Variants in CARS1 observed in about 807,000 individuals in gnomAD.
CARS1 encodes the protein cysteine--tRNA ligase, cytoplasmic.
Under a neutral mutation model 106.2 loss-of-function variants are expected in CARS1, and 48 were observed. The observed-to-expected ratio is 0.45, with a 90% CI of 0.36 to 0.57. CARS1 has a LOEUF of 0.57. Among genes scored for constraint, CARS1 ranks in the 20% least tolerant of loss-of-function variants. The probability of loss-of-function intolerance (pLI) is 0.00; values close to 1 mark genes in which losing one functional copy is unlikely to be tolerated. For synonymous variants in CARS1, 409 were observed against 403.4 expected, an observed-to-expected ratio of 1.01 and a Z score of -0.17; for missense variants, 968 against 1,057.2, an observed-to-expected ratio of 0.92 and a Z score of 1.17.
chr11:3,010,914 G>A (rs1850385380), intron 18 of CARS1, among the ~76,000 whole-genome samples: 1 of 152,174 alleles, frequency 6.6e-6, no homozygotes. Flanking sequence ...CTCCATAATG[G>A]GCTCTGCACA....
rs1276118112 is a variant in CARS1 at position 3,057,406 on chromosome 11, C to T, written c.-39G>A. ...GGACCCGCAGCTGCGGCTACAGACA[C>T]TTCCTAGAATCTGATGCAACCGCCG... On this transcript the variant is annotated 5_prime_UTR_variant, in exon 1 of 23. It adds an upstream start codon to the 5' untranslated region. Transcript: ENST00000380525. The T allele has an allele frequency of 1.3e-6, 2 of 1,599,458 alleles. No homozygotes were observed. Among genetic ancestry groups the T allele is most frequent in the East Asian group, 2.2e-5 (1 of 44,572 alleles).
Position 3,037,725 on chromosome 11 carries a change from G to C in CARS1, c.801+325C>G, listed in dbSNP as rs1853854459. Among the ~76,000 whole-genome samples, 1 of 152,122 alleles carries C rather than the reference G, an allele frequency of 6.6e-6. No individual in the cohort carries two copies. Among genetic ancestry groups the C allele is most frequent in the African/African-American group, 2.4e-5 (1 of 41,428 alleles). Reference sequence around the variant, plus strand: ...TGGGGAGAGTCCGCTGGAGAATCTTGGAACACTTCGACAGAAGGCTGCCTC... The same window carrying C: ...TGGGGAGAGTCCGCTGGAGAATCTTCGAACACTTCGACAGAAGGCTGCCTC... On this transcript the variant is annotated intron_variant, in intron 7 of 22. Coordinates refer to ENST00000380525, the MANE Select transcript of CARS1 (RefSeq NM_001014437.3). The surrounding 1 kb of genome is among the most constrained non-coding windows in gnomAD (Gnocchi z 5.9).
At position 3,037,254 on chromosome 11, in the gene CARS1, G is replaced by T. The variant is rs115137905; in HGVS notation, c.801+796C>A. ...AGTTTGGAAACAGGCGCAACGAAGC[G>T]ATCTGCTGAGTCAGGACACAGAAGA... is the stretch of plus-strand genomic sequence containing the variant. On this transcript the variant is annotated intron_variant, in intron 7 of 22. Coordinates refer to ENST00000380525, the MANE Select transcript of CARS1 (RefSeq NM_001014437.3). This position sits in a 1 kb window ranked among gnomAD's most constrained non-coding sequence, Gnocchi z 5.9. Among the ~76,000 whole-genome samples the T allele has an allele frequency of 4.9e-3, 751 of 152,340 alleles. 3 individuals carry two copies. The highest frequency in any genetic ancestry group is 0.017 in the African/African-American group (718 of 41,572).
intron 17 of CARS1, among the ~76,000 whole-genome samples, chr11:3,013,471 T>C (rs910215974): frequency 6.6e-6 from 1 of 152,180 alleles, no homozygotes; most frequent in African/African-American, 2.4e-5. Context: ...CTTTTTCTAA[T>C]AGGACAGAAA....
At position 3,003,380 on chromosome 11, in the gene CARS1, G is replaced by A. The variant is rs1849570687; in HGVS notation, c.2218-780C>T. 6.6e-6 allele frequency among the ~76,000 whole-genome samples: 1 copy of A among 152,216 alleles called. No individual in the cohort carries two copies. Among genetic ancestry groups the A allele is most frequent in the African/African-American group, 2.4e-5 (1 of 41,446 alleles). ...GGCACGCCCTCCATGGCAGGAAGGA[G>A]GAACAAGTTTGGGGAGTTGAAAATC... On this transcript the variant is annotated intron_variant, in intron 20 of 22. Coordinates refer to ENST00000380525, the MANE Select transcript of CARS1 (RefSeq NM_001014437.3). The surrounding 1 kb of genome is among the most constrained non-coding windows in gnomAD (Gnocchi z 4.8).
Position 3,017,467 on chromosome 11 carries a change from A to C in CARS1, c.1728-172T>G. On this transcript the variant is annotated intron_variant, in intron 15 of 22. Coordinates refer to ENST00000380525, the MANE Select transcript of CARS1 (RefSeq NM_001014437.3). This position sits in a 1 kb window ranked among gnomAD's most constrained non-coding sequence, Gnocchi z 4.9. ...AGACCAGCCTGACAAACATGGAGAG[A>C]CCCCCACCTCTACTAAAAATCTGAA... 1 of 594,466 alleles carries C rather than the reference A, an allele frequency of 1.7e-6. No individual in the cohort carries two copies. Among genetic ancestry groups the C allele is most frequent in the Non-Finnish European group, 3.0e-6 (1 of 335,736 alleles). 36.8% of individuals were successfully genotyped at this position (594,466 alleles called of 1,614,324 possible).
chr11:3,027,294 T>C (rs539433905), intron 9 of CARS1: 263 of 155,160 alleles, frequency 1.7e-3, no homozygotes, highest in Non-Finnish European at 2.5e-3. Flanking sequence ...GAAGCAGCGC[T>C]ACTGCTTAAG....
At position 3,043,130 on chromosome 11, in the gene CARS1, T is replaced by C. The variant is rs1854694993; in HGVS notation, c.275-874A>G. 6.6e-6 allele frequency among the ~76,000 whole-genome samples: 1 copy of C among 152,036 alleles called. No individual in the cohort carries two copies. Among genetic ancestry groups the C allele is most frequent in the South Asian group, 2.1e-4 (1 of 4,824 alleles). ...CTCCTCCTGGCCAGACTTCCCTAGTTGTTCCCCTCCACTCGCCTGTGGGCC... is the reference window on the plus strand; with the variant it reads ...CTCCTCCTGGCCAGACTTCCCTAGTCGTTCCCCTCCACTCGCCTGTGGGCC... On this transcript the variant is annotated intron_variant, in intron 2 of 22. Transcript: ENST00000380525. The surrounding 1 kb of genome is among the most constrained non-coding windows in gnomAD (Gnocchi z 4.0).
rs1394153395 is a variant in CARS1 at position 3,020,930 on chromosome 11, A to C, written c.1154-598T>G. ...GGTGAAGGAAACTAAAGAATAGTCCAGGAAGGCCATAAGAAAAGGGGAGTA... is the reference window on the plus strand; with the variant it reads ...GGTGAAGGAAACTAAAGAATAGTCCCGGAAGGCCATAAGAAAAGGGGAGTA... On this transcript the variant is annotated intron_variant, in intron 10 of 22. Coordinates refer to ENST00000380525, the MANE Select transcript of CARS1 (RefSeq NM_001014437.3). This position sits in a 1 kb window ranked among gnomAD's most constrained non-coding sequence, Gnocchi z 4.6. Among the ~76,000 whole-genome samples the C allele has an allele frequency of 6.6e-6, 1 of 152,226 alleles. No homozygotes were observed. The highest frequency in any genetic ancestry group is 1.5e-5 in the Non-Finnish European group (1 of 68,052).
chr11:3,036,734 G>C (rs530435342), intron 7 of CARS1, among the ~76,000 whole-genome samples: 2 of 152,284 alleles, frequency 1.3e-5, no homozygotes, highest in East Asian at 1.9e-4. Flanking sequence ...CAGGTTTATA[G>C]CAGCATTACT....
At position 3,008,654 on chromosome 11, in the gene CARS1, C is replaced by T. The variant is rs1199014360; in HGVS notation, c.2069-1695G>A. ...AAAAAAATTGCATATCCTTGGGCTT[C>T]AAGGCCGCGCTCATAAGCACAGCCA... On this transcript the variant is annotated intron_variant, in intron 18 of 22. Coordinates refer to ENST00000380525, the MANE Select transcript of CARS1 (RefSeq NM_001014437.3). This position sits in a 1 kb window ranked among gnomAD's most constrained non-coding sequence, Gnocchi z 5.1. 1 of 151,952 alleles carries T rather than the reference C, an allele frequency of 6.6e-6. No individual in the cohort carries two copies. Among genetic ancestry groups the T allele is most frequent in the African/African-American group, 2.4e-5 (1 of 41,310 alleles). 9.4% of individuals were successfully genotyped at this position (151,952 alleles called of 1,614,324 possible).
At position 3,044,045 on chromosome 11, in the gene CARS1, A is replaced by G. The variant is rs564272220; in HGVS notation, c.275-1789T>C. 6.6e-6 allele frequency among the ~76,000 whole-genome samples: 1 copy of G among 152,244 alleles called. No individual in the cohort carries two copies. Among genetic ancestry groups the G allele is most frequent in the East Asian group, 1.9e-4 (1 of 5,162 alleles). The stretch of plus-strand genomic sequence containing the variant: ...TCACAAGCCCTTGAAGGAGAATCTC[A>G]CTCAATGCCTGGAGGCATTCAACCG... On this transcript the variant is annotated intron_variant, in intron 2 of 22. Transcript: ENST00000380525. The surrounding 1 kb of genome is among the most constrained non-coding windows in gnomAD (Gnocchi z 4.4).
At chr11:3,015,339 G>A (rs74408190) in intron 17 of CARS1, among the ~76,000 whole-genome samples, 2,486 of 152,366 alleles carry the variant, frequency 0.016, 78 homozygotes, top group African/African-American at 0.057. Flanking sequence ...GCCCCATGGG[G>A]ACCGAGGCAG....
Position 3,021,374 on chromosome 11 carries a change from T to C in CARS1, c.1154-1042A>G, listed in dbSNP as rs1361288641. Among the ~76,000 whole-genome samples the C allele has an allele frequency of 1.3e-5, 2 of 152,150 alleles. No homozygotes were observed. Among genetic ancestry groups the C allele is most frequent in the African/African-American group, 2.4e-5 (1 of 41,430 alleles). On this transcript the variant is annotated intron_variant, in intron 10 of 22. Coordinates refer to ENST00000380525, the MANE Select transcript of CARS1 (RefSeq NM_001014437.3). The surrounding 1 kb of genome is among the most constrained non-coding windows in gnomAD (Gnocchi z 5.3). ...CTGGTCCCTGGTCTAAGGGCTGCCT[T>C]AGGTGCTGTCACCCCCTTGTGGAGG...
intron 1 of CARS1, among the ~76,000 whole-genome samples, chr11:3,051,068 C>T (rs1052747444): frequency 2.0e-5 from 3 of 152,210 alleles, no homozygotes; most frequent in Non-Finnish European, 4.4e-5. Flanking sequence ...GCTGGCGTTC[C>T]CCTGTGGCAC....
rs578060189 is a variant in CARS1 at position 3,045,172 on chromosome 11, C to T, written c.274+2581G>A. Among the ~76,000 whole-genome samples, 1 of 152,292 alleles carries T rather than the reference C, an allele frequency of 6.6e-6. No homozygotes were observed. Among genetic ancestry groups the T allele is most frequent in the East Asian group, 1.9e-4 (1 of 5,184 alleles). Reference sequence around the variant, plus strand: ...TCCTGATATCCAGTGGACCTCCGTGCTGGAGGCTGGTGATCCAGGGAAGGG... The same window carrying T: ...TCCTGATATCCAGTGGACCTCCGTGTTGGAGGCTGGTGATCCAGGGAAGGG... On this transcript the variant is annotated intron_variant, in intron 2 of 22. Transcript: ENST00000380525. The surrounding 1 kb of genome is among the most constrained non-coding windows in gnomAD (Gnocchi z 5.6).
chr11:3,020,388 T>C lies in CARS1; in HGVS notation c.1154-56A>G. 1.9e-6 allele frequency: 2 copies of C among 1,067,952 alleles called. No homozygotes were observed. Among genetic ancestry groups the C allele is most frequent in the Non-Finnish European group, 1.5e-6 (1 of 684,964 alleles). The allele number at this position is 1,067,952 out of a possible 1,614,324, so 66.2% of individuals were successfully genotyped here. Reference sequence around the variant, plus strand: ...ACTCAGCAGCACCCACAGACCCACATGTCTCACTTCAAGGCCATCCACGGT... The same window carrying C: ...ACTCAGCAGCACCCACAGACCCACACGTCTCACTTCAAGGCCATCCACGGT... On this transcript the variant is annotated intron_variant, in intron 10 of 22. Transcript: ENST00000380525. The surrounding 1 kb of genome is among the most constrained non-coding windows in gnomAD (Gnocchi z 4.6).
chr11:3,030,381 G>C lies in CARS1; in HGVS notation c.802-938C>G, dbSNP rs748517248. ...TGTTAAATGTATTGCAGGCCTGCAA[G>C]TGGCAAGGCACGTCTGCAGGAATGA... is the stretch of plus-strand genomic sequence containing the variant. On this transcript the variant is annotated intron_variant, in intron 7 of 22. Transcript: ENST00000380525. This position sits in a 1 kb window ranked among gnomAD's most constrained non-coding sequence, Gnocchi z 5.7. The C allele has an allele frequency of 6.6e-6, 1 of 152,238 alleles. No individual in the cohort carries two copies. The highest frequency in any genetic ancestry group is 1.5e-5 in the Non-Finnish European group (1 of 68,054). The allele number at this position is 152,238 out of a possible 1,614,324, so 9.4% of individuals were successfully genotyped here. A position where few individuals can be genotyped will look rare whatever the true frequency, so the allele number is the denominator to read the frequency against.
At chr11:3,023,839 T>C (rs1851796837) in intron 10 of CARS1, among the ~76,000 whole-genome samples, 1 of 152,202 alleles carries the variant, frequency 6.6e-6, no homozygotes, top group Non-Finnish European at 1.5e-5. Context: ...CCTATTTCTT[T>C]CTACTTCTTC....
Sources: gnomAD v4.1 joint callset for allele counts (sites outside exome capture counted in the v4.1 genomes callset) on GRCh38, gnomAD v4.1.1 for gene constraint, Gnocchi (gnomAD v3.1) non-coding constraint, MANE v1.5 for transcripts, NCBI Gene and HGNC (gene_info 2026-07-23, HGNC 2026-07-21) for gene names.